The following ARHGEF12 variants were observed in gnomAD, a reference collection of about 807,000 sequenced individuals.
ARHGEF12 encodes the protein KMT2A/ARHGEF12 fusion protein.
In ARHGEF12, 66 loss-of-function variants were observed where a neutral mutation model predicts 211.2. The ratio of observed to expected loss-of-function variants is 0.31; its 90% CI spans 0.26 to 0.38. ARHGEF12 has a LOEUF of 0.38. ARHGEF12 is among the 10% of genes least tolerant of loss of function. The pLI, the probability that ARHGEF12 is intolerant of heterozygous loss-of-function variation, is 1.00. For missense variants in ARHGEF12, 1,429 were observed against 1,869.5 expected, an observed-to-expected ratio of 0.76 and a Z score of 4.34; for synonymous variants, 592 against 638.4, an observed-to-expected ratio of 0.93 and a Z score of 1.09.
In ARHGEF12 at chr11:120,437,400, G is replaced by A. The variant is rs746423599; in HGVS notation, c.999+18G>A. ...AGGACACTGTGAGTATGAAATCCATGCAATGATAGTGCTGTCTTTGGCTTT... is the reference window on the plus strand; with the variant it reads ...AGGACACTGTGAGTATGAAATCCATACAATGATAGTGCTGTCTTTGGCTTT... On this transcript the variant is annotated intron_variant, in intron 12 of 40. Transcript: ENST00000397843. 6 of 1,593,420 alleles carry A rather than the reference G, an allele frequency of 3.8e-6. No homozygotes were observed. Among genetic ancestry groups the A allele is most frequent in the Middle Eastern group, 3.3e-4 (2 of 6,016 alleles).
intron 10 of ARHGEF12, among the ~76,000 whole-genome samples, chr11:120,431,106 A>T (rs758392316): frequency 6.6e-6 from 1 of 152,028 alleles, no homozygotes; most frequent in Non-Finnish European, 1.5e-5. Context: ...CCTGGCCAAC[A>T]TGGTGAAACT....
chr11:120,347,243 T>G (rs1289255199), intron 1 of ARHGEF12, among the ~76,000 whole-genome samples: 3 of 139,022 alleles, frequency 2.2e-5, no homozygotes, highest in Non-Finnish European at 3.1e-5. Context: ...TGTCTCTCTC[T>G]GTTTCTCTCT....
intron 32 of ARHGEF12, among the ~76,000 whole-genome samples, chr11:120,475,100 C>T (rs552427661): frequency 1.3e-5 from 2 of 152,100 alleles, no homozygotes; most frequent in Non-Finnish European, 1.5e-5. Flanking sequence ...GGACTATAGG[C>T]GCACAGCACC....
At chr11:120,459,432 G>A in intron 26 of ARHGEF12, 112 bp downstream of exon 26, 1 of 1,145,454 alleles carries the variant, frequency 8.7e-7, no homozygotes, top group Non-Finnish European at 1.2e-6. Flanking sequence ...TTATGTGTGA[G>A]AATGTAAGAT....
chr11:120,337,000 A>G lies in ARHGEF12; in HGVS notation c.-244A>G. On this transcript the variant is annotated 5_prime_UTR_variant, in exon 1 of 41. Transcript: ENST00000397843. ...TTCTGGAGGATTTCTCTCTAGCTCG[A>G]CTCACTCTGGACTGACTCGCTCCCT... 1 of 529,260 alleles carries G rather than the reference A, an allele frequency of 1.9e-6. No homozygotes were observed. The highest frequency in any genetic ancestry group is 2.7e-5 in the South Asian group (1 of 37,242). 32.8% of individuals were successfully genotyped at this position (529,260 alleles called of 1,614,324 possible).
In ARHGEF12 at chr11:120,395,760, A is replaced by AC. The variant is rs569573191; in HGVS notation, c.33-10349dup. On this transcript the variant is annotated intron_variant, in intron 1 of 40. Transcript: ENST00000397843. ...TATCCCAAGAACAGCATGGGAAAAG[A>AC]CCCCCCCCCTTCATGATTCAATTAC... is the stretch of plus-strand genomic sequence containing the variant. Among the ~76,000 whole-genome samples, 687 of 145,850 alleles carry AC rather than the reference A, an allele frequency of 4.7e-3. 9 individuals are homozygous for AC. The highest frequency in any genetic ancestry group is 0.021 in the Admixed American group (306 of 14,480).
intron 17 of ARHGEF12, 27 bp downstream of exon 17, chr11:120,446,535 A>T (rs1377992845): frequency 6.5e-7 from 1 of 1,529,226 alleles, no homozygotes; most frequent in Non-Finnish European, 8.9e-7. Flanking sequence ...ATAGAATTTC[A>T]TATGATTATT....
chr11:120,478,483 T>G, intron 37 of ARHGEF12, 94 bp downstream of exon 37: 3 of 1,135,958 alleles, frequency 2.6e-6, no homozygotes, highest in Non-Finnish European at 3.8e-6. Context: ...CTCCACTTAT[T>G]CTTCTAGTTC....
intron 1 of ARHGEF12, among the ~76,000 whole-genome samples, chr11:120,387,477 T>G (rs978742043): frequency 4.6e-5 from 7 of 152,084 alleles, no homozygotes; most frequent in Non-Finnish European, 1.0e-4. Flanking sequence ...TATAAGTAAC[T>G]TCATAATTCT....
At chr11:120,404,216 G>C (rs752579234) in intron 1 of ARHGEF12, among the ~76,000 whole-genome samples, 1 of 152,098 alleles carries the variant, frequency 6.6e-6, no homozygotes, top group African/African-American at 2.4e-5. Flanking sequence ...CCAGCTCTCT[G>C]ATTACATCTG....
Position 120,487,007 on chromosome 11 carries a change from A to G in ARHGEF12, c.*1930A>G, listed in dbSNP as rs1947412836. On this transcript the variant is annotated 3_prime_UTR_variant, in exon 41 of 41. Coordinates refer to ENST00000397843, the MANE Select transcript of ARHGEF12 (RefSeq NM_015313.3). ...TCTGTATCTCTTAGGAGGAACAAGT[A>G]AAAACCAAATGGTTACATTGTGCTG... is the stretch of plus-strand genomic sequence containing the variant. The G allele has an allele frequency of 4.6e-6, 1 of 216,264 alleles. No individual in the cohort carries two copies. The highest frequency in any genetic ancestry group is 5.8e-5 in the Admixed American group (1 of 17,226). The allele number at this position is 216,264 out of a possible 1,614,324, so 13.4% of individuals were successfully genotyped here. A position where few individuals can be genotyped will look rare whatever the true frequency, so the allele number is the denominator to read the frequency against.
chr11:120,418,148 T>C (rs571899401), intron 4 of ARHGEF12, among the ~76,000 whole-genome samples: 29 of 152,340 alleles, frequency 1.9e-4, no homozygotes, highest in African/African-American at 6.7e-4. Flanking sequence ...TGCATACTCA[T>C]GTAAACATTA....
chr11:120,412,124 G>A (rs796952962), intron 4 of ARHGEF12, among the ~76,000 whole-genome samples: 26 of 152,112 alleles, frequency 1.7e-4, no homozygotes, highest in African/African-American at 6.0e-4. Context: ...TCTATTAAAC[G>A]TGTATGGATG....
rs760687378 is a variant in ARHGEF12 at position 120,480,119 on chromosome 11, G to A, written c.3926G>A (p.Gly1309Asp). ...GAAAATATTAAGGCCTATCATTCTG[G>A]TGAAGGACATATGCCCTTTAGAACT... is the stretch of plus-strand genomic sequence containing the variant. Reference protein sequence around the residue: ...NSENIKAYHSGEGHMPFRTGT... With the variant: ...NSENIKAYHSDEGHMPFRTGT... The change falls in exon 38 of 41, where the codon GGT becomes GAT. Residue 1309 changes from glycine (G) to aspartate (D), a missense_variant. By Grantham distance (94) the Gly-to-Asp change is moderately conservative (BLOSUM62 -1). This residue lies in a region of ARHGEF12 where 467 missense variants were observed against 468.4 expected (regional missense o/e 1.00). Transcript: ENST00000397843. The A allele has an allele frequency of 1.2e-6, 2 of 1,614,188 alleles. No homozygotes were observed. The highest frequency in any genetic ancestry group is 8.5e-7 in the Non-Finnish European group (1 of 1,180,030).
intron 1 of ARHGEF12, among the ~76,000 whole-genome samples, chr11:120,375,409 T>TA (rs911723066): frequency 6.6e-6 from 1 of 151,894 alleles, no homozygotes; most frequent in South Asian, 2.1e-4. Context: ...ATTAAATGGT[T>TA]AAAAAAAAGA....
rs548694990 is a variant in ARHGEF12, at chr11:120,421,382, G to A, written c.299-421G>A. ...ATCAGTCCAAGGTCACACAACTAGT[G>A]AGTGGCAGAAGCAGCATTTGAATGT... On this transcript the variant is annotated intron_variant, in intron 5 of 40. Coordinates refer to ENST00000397843, the MANE Select transcript of ARHGEF12 (RefSeq NM_015313.3). Among the ~76,000 whole-genome samples the A allele has an allele frequency of 1.5e-4, 23 of 150,522 alleles. No homozygotes were observed. In the East Asian group the frequency reaches 4.5e-3, roughly 30 times the overall value.
At chr11:120,454,671 C>G (rs1315520983) in intron 22 of ARHGEF12, among the ~76,000 whole-genome samples, 2 of 152,194 alleles carry the variant, frequency 1.3e-5, no homozygotes, top group Non-Finnish European at 2.9e-5. Context: ...GAAAGCTTAA[C>G]TGGGGCTGGG....
rs1025919456 is a variant in ARHGEF12 at position 120,367,353 on chromosome 11, CTTTTTTTTTTTT to C, written c.32+30097_32+30108del. Reference sequence around the variant, plus strand: ...AAAAAATCTGTTAGGATACTTTTTCCTTTTTTTTTTTTTTTTTTTTTTTTTTTTTTGAGGTGG... The same window carrying C: ...AAAAAATCTGTTAGGATACTTTTTCCTTTTTTTTTTTTTTTTTTGAGGTGG... On this transcript the variant is annotated intron_variant, in intron 1 of 40. Transcript: ENST00000397843. 4.7e-3 allele frequency among the ~76,000 whole-genome samples: 281 copies of C among 59,346 alleles called. 3 individuals carry two copies. Among genetic ancestry groups the C allele is most frequent in the African/African-American group, 0.02 (254 of 12,946 alleles). The allele number at this position is 59,346 out of a possible 152,430, so 38.9% of individuals were successfully genotyped here.
At chr11:120,405,979 CCA>C (rs1944691670) in intron 1 of ARHGEF12, 137 bp from the exon 2 acceptor site, 3 of 621,246 alleles carry the variant, frequency 4.8e-6, no homozygotes, top group Non-Finnish European at 8.1e-6. Context: ...TCTTATTCCT[CCA>C]GCTTATTGAT....
Sources: allele counts gnomAD v4.1 joint callset (sites outside exome capture counted in the v4.1 genomes callset), GRCh38; gene constraint gnomAD v4.1.1; regional missense constraint gnomAD v4.1.1; transcripts MANE v1.5; gene names NCBI Gene and HGNC (gene_info 2026-07-23, HGNC 2026-07-21).